The following ATAD2B variants were observed in gnomAD, a reference collection of about 807,000 sequenced individuals.
ATAD2B encodes ATPase family AAA domain-containing protein 2B.
A neutral mutation model predicts 167.6 loss-of-function variants in ATAD2B; 40 were observed. That is an observed-to-expected ratio of 0.24 (90% CI 0.19 to 0.31). The LOEUF (loss-of-function observed/expected upper bound fraction) is 0.31, where lower values mean the gene tolerates loss of function less well. ATAD2B is among the 10% of genes least tolerant of loss of function. The pLI, the probability that ATAD2B is intolerant of heterozygous loss-of-function variation, is 1.00. For missense variants in ATAD2B, 1,242 were observed against 1,757.2 expected (o/e 0.71, Z 5.24); for synonymous variants, 579 against 596.5 (o/e 0.97, Z 0.43).
chr2:23,770,170 G>C (rs1369546268), intron 22 of ATAD2B, among the ~76,000 whole-genome samples: 7 of 151,292 alleles, frequency 4.6e-5, no homozygotes, highest in Non-Finnish European at 1.5e-5. Context: ...AAAAAAAATA[G>C]CTGGGCATGG....
At position 23,807,908 on chromosome 2, in the gene ATAD2B, A is replaced by T. The variant is rs1684742121; in HGVS notation, c.2454+2408T>A. On this transcript the variant is annotated intron_variant, in intron 18 of 27. Transcript: ENST00000238789. ...TAAATGTATATAATAAAATATATAA[A>T]TATAAATATATAAATATATTTATAA... is the stretch of plus-strand genomic sequence containing the variant. 7.6e-5 allele frequency among the ~76,000 whole-genome samples: 10 copies of T among 131,682 alleles called. No individual in the cohort carries two copies. The South Asian group carries it at 2.2e-3, about 29-fold the overall frequency. 86.4% of individuals were successfully genotyped at this position (131,682 alleles called of 152,430 possible). A position where few individuals can be genotyped will look rare whatever the true frequency, so the allele number is the denominator to read the frequency against.
chr2:23,914,818 G>A (rs963290138), intron 1 of ATAD2B, among the ~76,000 whole-genome samples: 1 of 151,450 alleles, frequency 6.6e-6, no homozygotes, highest in African/African-American at 2.4e-5. Context: ...ACTCCAGCCT[G>A]GGCAACAGCG....
At chr2:23,679,765 G>A in the ATAD2B span, among the ~76,000 whole-genome samples, 87 of 152,344 alleles carry the variant, frequency 5.7e-4, no homozygotes, top group East Asian at 0.016. Context: ...CCAGCCTCCG[G>A]AGGAGGGCAG....
chr2:23,808,564 A>G (rs1388614044), intron 18 of ATAD2B, among the ~76,000 whole-genome samples: 1 of 152,144 alleles, frequency 6.6e-6, no homozygotes, highest in Non-Finnish European at 1.5e-5. Context: ...TATTTATAAG[A>G]GAAAACTATC....
chr2:23,713,828 C>T, the ATAD2B span, among the ~76,000 whole-genome samples: 2 of 152,152 alleles, frequency 1.3e-5, no homozygotes, highest in Non-Finnish European at 1.5e-5. Flanking sequence ...TTTTGTTTAT[C>T]CATTCATTAG....
chr2:23,771,596 T>C (rs991680780), intron 22 of ATAD2B, among the ~76,000 whole-genome samples: 6 of 152,208 alleles, frequency 3.9e-5, no homozygotes, highest in Non-Finnish European at 7.3e-5. Context: ...TGATTATTGA[T>C]ATGGTTGCTA....
intron 21 of ATAD2B, 79 bp from the exon 22 acceptor site, chr2:23,783,107 A>C (rs1680296073): frequency 1.4e-6 from 1 of 736,486 alleles, no homozygotes; most frequent in African/African-American, 1.8e-5. Context: ...ATAAAAACAA[A>C]GTTCTTTAAA....
At chr2:23,699,929 C>CT in the ATAD2B span, among the ~76,000 whole-genome samples, 2 of 152,248 alleles carry the variant, frequency 1.3e-5, no homozygotes, top group Non-Finnish European at 1.5e-5. Flanking sequence ...TTGGTCAACT[C>CT]TGACTCCTGC....
chr2:23,680,596 G>A, the ATAD2B span, among the ~76,000 whole-genome samples: 8 of 152,102 alleles, frequency 5.3e-5, no homozygotes, highest in Non-Finnish European at 8.8e-5. This position sits in a 1 kb window ranked among gnomAD's most constrained non-coding sequence, Gnocchi z 4.1. Flanking sequence ...AGACCCCACC[G>A]AGCCTCCATG....
chr2:23,886,650 G>T (rs1462631624), intron 4 of ATAD2B, among the ~76,000 whole-genome samples: 2 of 152,174 alleles, frequency 1.3e-5, no homozygotes, highest in Non-Finnish European at 2.9e-5. Context: ...ATACATGCTA[G>T]GCCGGGAGCG....
the ATAD2B span, among the ~76,000 whole-genome samples, chr2:23,704,498 G>A: frequency 6.6e-6 from 1 of 152,234 alleles, no homozygotes; most frequent in Non-Finnish European, 1.5e-5. Context: ...CAGGTGCAGT[G>A]GCTCACACCT....
chr2:23,872,403 T>C, intron 8 of ATAD2B: 1 of 702,556 alleles, frequency 1.4e-6, no homozygotes. Context: ...TGACAGCCTC[T>C]TCAGAGAGAC....
chr2:23,696,594 C>CA, the ATAD2B span: 9 of 1,150,262 alleles, frequency 7.8e-6, no homozygotes, highest in South Asian at 1.4e-4. The surrounding 1 kb of genome is among the most constrained non-coding windows in gnomAD (Gnocchi z 5.5). Flanking sequence ...TACCTCCCAA[C>CA]ACCCACTCAG....
chr2:23,748,315 C>T (rs551407603), downstream of ATAD2B, among the ~76,000 whole-genome samples: 1 of 152,204 alleles, frequency 6.6e-6, no homozygotes, highest in South Asian at 2.1e-4. Flanking sequence ...ATACTGATAA[C>T]AACCCGATAA....
At chr2:23,747,364 TAATAC>T (rs1674950620), downstream of ATAD2B, among the ~76,000 whole-genome samples, 1 of 151,424 alleles carries the variant, frequency 6.6e-6, no homozygotes, top group African/African-American at 2.4e-5. Context: ...ATTATATATA[TAATAC>T]TATACAGCCC....
At chr2:23,890,488 G>A (rs1240046099) in intron 2 of ATAD2B, among the ~76,000 whole-genome samples, 3 of 152,156 alleles carry the variant, frequency 2.0e-5, no homozygotes, top group African/African-American at 7.2e-5. Context: ...TTACAACGTT[G>A]TCATTACACA....
intron 18 of ATAD2B, among the ~76,000 whole-genome samples, chr2:23,804,632 T>A (rs545023814): frequency 9.9e-5 from 15 of 151,170 alleles, no homozygotes; most frequent in Non-Finnish European, 2.1e-4. Context: ...GAATTCAAAG[T>A]TGGCCAAGCA....
At chr2:23,777,711 G>A (rs1214765410) in intron 22 of ATAD2B, among the ~76,000 whole-genome samples, 2 of 152,098 alleles carry the variant, frequency 1.3e-5, no homozygotes, top group African/African-American at 4.8e-5. Context: ...GAATAGGCCT[G>A]GGGGATATAG....
chr2:23,903,435 A>C (rs1415326137), intron 1 of ATAD2B, among the ~76,000 whole-genome samples: 1 of 152,156 alleles, frequency 6.6e-6, no homozygotes, highest in Non-Finnish European at 1.5e-5. Flanking sequence ...AGATATAGTC[A>C]TCCCCACTTA....
Sources: gnomAD v4.1 joint callset for allele counts (sites outside exome capture counted in the v4.1 genomes callset) on GRCh38, gnomAD v4.1.1 for gene constraint, Gnocchi (gnomAD v3.1) non-coding constraint, MANE v1.5 for transcripts, NCBI Gene and HGNC (gene_info 2026-07-23, HGNC 2026-07-21) for gene names.